Variants in KLF17 observed in about 807,000 individuals in gnomAD.
KLF17 encodes the protein Krueppel-like factor 17.
Under a neutral mutation model 34.2 loss-of-function variants are expected in KLF17, and 31 were observed. The ratio of observed to expected loss-of-function variants is 0.91; its 90% CI spans 0.68 to 1.22. The LOEUF is 1.22. Among genes scored for constraint, KLF17 ranks in the 50% most tolerant of loss-of-function variants. The pLI, the probability that KLF17 is intolerant of heterozygous loss-of-function variation, is 0.00. For synonymous variants in KLF17, 179 were observed against 186.7 expected, an observed-to-expected ratio of 0.96 and a Z score of 0.34; for missense variants, 478 against 505.2, an observed-to-expected ratio of 0.95 and a Z score of 0.52.
chr1:44,130,142 G>T lies in KLF17; in HGVS notation c.871G>T (p.Gly291Ter), dbSNP rs767103784. 1 of 1,614,156 alleles carries T rather than the reference G, an allele frequency of 6.2e-7. No individual in the cohort carries two copies. Among genetic ancestry groups the T allele is most frequent in the Non-Finnish European group, 8.5e-7 (1 of 1,180,026 alleles). The change falls in exon 2 of 4, where the codon GGA (glycine) becomes TGA (stop). Residue 291 changes from glycine to a stop codon, truncating the protein, a stop_gained. Coordinates refer to ENST00000372299, the MANE Select transcript of KLF17 (RefSeq NM_173484.4). LOFTEE classifies it high-confidence loss of function. ...TTACTGCTGCAACTACGAGAACTGCGGAAAAGCTTATACCAAACGCTCCCA... is the reference window on the plus strand; with the variant it reads ...TTACTGCTGCAACTACGAGAACTGCTGAAAAGCTTATACCAAACGCTCCCA... ...RPYCCNYENC[G>*]KAYTKRSHLV...
At chr1:44,122,377 T>C in intron 1 of KLF17, 2 of 1,605,716 alleles carry the variant, frequency 1.2e-6, no homozygotes, top group Non-Finnish European at 1.7e-6. Flanking sequence ...TTCTTCGGGG[T>C]CATTTTCACA....
upstream of KLF17, chr1:44,115,381 G>GCGGA (rs2087869590): frequency 6.6e-6 from 1 of 150,514 alleles, no homozygotes; most frequent in Non-Finnish European, 1.5e-5. Context: ...AACCCGGGAG[G>GCGGA]CGGAGCTTGC....
Position 44,129,924 on chromosome 1 carries a change from A to C in KLF17, c.653A>C (p.His218Pro). 6.2e-7 allele frequency: 1 copy of C among 1,614,160 alleles called. No individual in the cohort carries two copies. Among genetic ancestry groups the C allele is most frequent in the East Asian group, 2.2e-5 (1 of 44,870 alleles). The change falls in exon 2 of 4, where the codon CAT (histidine) becomes CCT (proline). Residue 218 changes from histidine to proline, a missense_variant. Coordinates refer to ENST00000372299, the MANE Select transcript of KLF17 (RefSeq NM_173484.4). ...MAQMLPPQDAHDLGMPPAESQ... is the reference protein window; with the variant it reads ...MAQMLPPQDAPDLGMPPAESQ... ...CAGATGTTGCCCCCGCAAGATGCCC[A>C]TGACCTTGGGATGCCCCCAGCTGAG... is the stretch of plus-strand genomic sequence containing the variant.
At chr1:44,070,416 A>AGCT in the KLF17 span, among the ~76,000 whole-genome samples, 1 of 152,004 alleles carries the variant, frequency 6.6e-6, no homozygotes, top group African/African-American at 2.4e-5. Context: ...CACATTATTT[A>AGCT]GCTCCCACTT....
the KLF17 span, among the ~76,000 whole-genome samples, chr1:44,072,640 G>C: frequency 6.6e-6 from 1 of 152,166 alleles, no homozygotes; most frequent in Non-Finnish European, 1.5e-5. Flanking sequence ...GCTGCAGAGA[G>C]CTATGATCAC....
At chr1:44,103,660 C>G in the KLF17 span, 27 of 1,610,222 alleles carry the variant, frequency 1.7e-5, no homozygotes, top group Non-Finnish European at 2.1e-5. Flanking sequence ...TCCTAGTACT[C>G]ACGCAGCTGC....
intron 1 of KLF17, chr1:44,122,507 C>A: frequency 1.0e-6 from 1 of 969,596 alleles, no homozygotes; most frequent in African/African-American, 1.6e-5. Flanking sequence ...ATCTCACGAG[C>A]TTCATCCTAG....
At chr1:44,100,478 AG>A in the KLF17 span, among the ~76,000 whole-genome samples, 8 of 152,076 alleles carry the variant, frequency 5.3e-5, no homozygotes, top group African/African-American at 1.4e-4. Context: ...TCTAAGAATG[AG>A]GGGGGGAACC....
At chr1:44,078,437 C>CTT in the KLF17 span, among the ~76,000 whole-genome samples, 5 of 69,900 alleles carry the variant, frequency 7.2e-5, no homozygotes, top group South Asian at 1.8e-3. Context: ...TTTCCTTCTT[C>CTT]TTTTTTTTTT....
the KLF17 span, chr1:44,103,351 C>T: frequency 1.4e-6 from 1 of 711,698 alleles, no homozygotes. Context: ...GACTCGGACA[C>T]CGGCTTCCCG....
chr1:44,093,408 T>A, the KLF17 span, among the ~76,000 whole-genome samples: 4 of 152,190 alleles, frequency 2.6e-5, no homozygotes, highest in East Asian at 7.7e-4. Context: ...TTTTTTATTT[T>A]TTTGAGACGG....
chr1:44,095,080 T>C, the KLF17 span, among the ~76,000 whole-genome samples: 1 of 151,892 alleles, frequency 6.6e-6, no homozygotes, highest in Non-Finnish European at 1.5e-5. Context: ...TTTTTGTATT[T>C]TTAGTAGAGA....
Position 44,130,681 on chromosome 1 carries a change from T to C in KLF17, c.1095T>C (p.His365=). 1 of 1,613,788 alleles carries C rather than the reference T, an allele frequency of 6.2e-7. No individual in the cohort carries two copies. Among genetic ancestry groups the C allele is most frequent in the Non-Finnish European group, 8.5e-7 (1 of 1,179,930 alleles). ...ATCTCAAGCAACACCAGAAGACTCA[T>C]CGGCCGGGACCCTCAGACCCACAGG... ...SDHLKQHQKT[H]RPGPSDPQAN... is the part of the protein sequence containing the mutation. Residue 365 remains histidine (H), a synonymous_variant, in exon 3 of 4, where the codon CAT becomes CAC. Transcript: ENST00000372299.
chr1:44,129,285 G>A (rs1231410078), intron 1 of KLF17, 68 bp from the exon 2 acceptor site: 2 of 1,490,080 alleles, frequency 1.3e-6, no homozygotes, highest in Non-Finnish European at 1.8e-6. Context: ...GATGGGGTCT[G>A]GGGATGAAGA....
chr1:44,070,672 T>C, the KLF17 span, among the ~76,000 whole-genome samples: 1 of 146,716 alleles, frequency 6.8e-6, no homozygotes. Context: ...GATCACACTG[T>C]AGCTTTGAAC....
the KLF17 span, among the ~76,000 whole-genome samples, chr1:44,097,170 A>G: frequency 5.3e-5 from 8 of 151,896 alleles, no homozygotes; most frequent in African/African-American, 1.7e-4. Context: ...GTTCTGTTCC[A>G]TTGGTCTATA....
chr1:44,091,337 A>G, the KLF17 span, among the ~76,000 whole-genome samples: 1 of 152,066 alleles, frequency 6.6e-6, no homozygotes, highest in African/African-American at 2.4e-5. Flanking sequence ...ATGCAATATC[A>G]CATGTCCTGT....
chr1:44,126,292 T>G (rs1348728015), intron 1 of KLF17, among the ~76,000 whole-genome samples: 1 of 152,204 alleles, frequency 6.6e-6, no homozygotes, highest in African/African-American at 2.4e-5. Context: ...CCCAAAGTGC[T>G]GGGATAACAG....
chr1:44,065,417 T>G, the KLF17 span, among the ~76,000 whole-genome samples: 2 of 146,576 alleles, frequency 1.4e-5, no homozygotes, highest in Non-Finnish European at 1.5e-5. Context: ...TTTTTTTTTT[T>G]TTTTTTTTTT....
Sources: gnomAD v4.1 joint callset for allele counts (sites outside exome capture counted in the v4.1 genomes callset) on GRCh38, gnomAD v4.1.1 for gene constraint, MANE v1.5 for transcripts, NCBI Gene and HGNC (gene_info 2026-07-23, HGNC 2026-07-21) for gene names.